CDCP2: variants seen among roughly 807,000 people sequenced by gnomAD.
CDCP2 encodes the protein CUB domain-containing protein 2.
Under a neutral mutation model 31.0 loss-of-function variants are expected in CDCP2, and 31 were observed. That is an observed-to-expected ratio of 1.00 (90% CI 0.75 to 1.35). The LOEUF is 1.35. Among genes scored for constraint, CDCP2 ranks in the 40% most tolerant of loss-of-function variants. The probability of loss-of-function intolerance (pLI) is 0.00; values close to 1 mark genes in which losing one functional copy is unlikely to be tolerated. For missense variants in CDCP2, 443 were observed against 482.6 expected (o/e 0.92, Z 0.77); for synonymous variants, 206 against 207.9 (o/e 0.99, Z 0.08).
At chr1:54,144,609 G>GACA in exon 2 of CDCP2, 1 of 1,614,220 alleles carries the variant, frequency 6.2e-7, no homozygotes, top group Non-Finnish European at 8.5e-7. Flanking sequence ...CTTGTCTGGT[G>GACA]AGGCCCCATT....
At chr1:54,144,638 G>T in exon 2 of CDCP2, 1 of 1,613,402 alleles carries the variant, frequency 6.2e-7, no homozygotes, top group South Asian at 1.1e-5. Flanking sequence ...CCAGAAAGTC[G>T]AAGCTGCAGG....
chr1:54,148,971 A>G (rs1553174428), intron 1 of CDCP2, among the ~76,000 whole-genome samples: 1 of 144,036 alleles, frequency 6.9e-6, no homozygotes, highest in Non-Finnish European at 1.5e-5. Flanking sequence ...TGTTTAAAAA[A>G]AAAATATATA....
chr1:54,150,595 TAA>T (rs559491653), intron 1 of CDCP2, among the ~76,000 whole-genome samples: 3 of 145,280 alleles, frequency 2.1e-5, no homozygotes, highest in African/African-American at 5.0e-5. Context: ...AGACTCCATT[TAA>T]AAAAAAAAAA....
At chr1:54,143,720 C>T (rs1252922325) in intron 2 of CDCP2, 1 of 152,166 alleles carries the variant, frequency 6.6e-6, no homozygotes, top group Non-Finnish European at 1.5e-5. Flanking sequence ...TGGGTGTCTA[C>T]TGTTTGAGTT....
At chr1:54,148,694 A>G (rs1411115446) in intron 1 of CDCP2, among the ~76,000 whole-genome samples, 1 of 151,520 alleles carries the variant, frequency 6.6e-6, no homozygotes, top group East Asian at 1.9e-4. Context: ...CTGGGGCTTC[A>G]ACAACAAAAG....
chr1:54,138,814 C>T (rs928861165), intron 4 of CDCP2: 1 of 152,372 alleles, frequency 6.6e-6, no homozygotes, highest in African/African-American at 2.4e-5. Flanking sequence ...ACAATGAAGT[C>T]TTTTCCCTCT....
At chr1:54,147,064 A>G (rs1478569575) in intron 1 of CDCP2, among the ~76,000 whole-genome samples, 1 of 121,184 alleles carries the variant, frequency 8.3e-6, no homozygotes, top group Admixed American at 9.2e-5. Flanking sequence ...TGACAGAGCA[A>G]GACTCCATCT....
intron 1 of CDCP2, among the ~76,000 whole-genome samples, chr1:54,149,077 G>T (rs940015612): frequency 6.7e-6 from 1 of 149,398 alleles, no homozygotes; most frequent in Non-Finnish European, 1.5e-5. Context: ...CATAAATTAA[G>T]GAATGAAGCC....
chr1:54,145,822 C>T (rs1659458331), intron 1 of CDCP2, among the ~76,000 whole-genome samples: 1 of 152,180 alleles, frequency 6.6e-6, no homozygotes, highest in African/African-American at 2.4e-5. Flanking sequence ...TCATAATTTT[C>T]ACTGTGTAAG....
exon 6 of CDCP2, chr1:54,133,153 A>C (rs1019993166): frequency 7.5e-6 from 3 of 399,054 alleles, no homozygotes; most frequent in Non-Finnish European, 1.3e-5. Flanking sequence ...GGCCCCAGCC[A>C]GTGAGAGCCA....
At chr1:54,140,964 G>A (rs940469449) in intron 3 of CDCP2, 134 bp downstream of exon 3, 3 of 694,478 alleles carry the variant, frequency 4.3e-6, no homozygotes, top group East Asian at 5.7e-5. Context: ...GTATGCTAGA[G>A]CATTCCAGGC....
At chr1:54,134,152 G>A (rs1164829792) in intron 5 of CDCP2, among the ~76,000 whole-genome samples, 1 of 152,214 alleles carries the variant, frequency 6.6e-6, no homozygotes. Flanking sequence ...GACTACTGAG[G>A]CCTGGAAGGG....
chr1:54,136,051 G>C (rs2100418717), intron 5 of CDCP2, among the ~76,000 whole-genome samples: 1 of 152,298 alleles, frequency 6.6e-6, no homozygotes, highest in Middle Eastern at 3.4e-3. Flanking sequence ...AAAATACAAG[G>C]ATAGTAGGGA....
At chr1:54,139,844 T>A in exon 4 of CDCP2, 1 of 1,610,842 alleles carries the variant, frequency 6.2e-7, no homozygotes. Context: ...AGGTCACGGG[T>A]GGTGGCAGGT....
intron 1 of CDCP2, among the ~76,000 whole-genome samples, chr1:54,151,801 G>C (rs1220894739): frequency 6.6e-6 from 1 of 152,216 alleles, no homozygotes; most frequent in Non-Finnish European, 1.5e-5. Context: ...CCACAGTGCA[G>C]GCAGAGGGTT....
chr1:54,134,664 C>T (rs1360241960), intron 5 of CDCP2, among the ~76,000 whole-genome samples: 1 of 152,182 alleles, frequency 6.6e-6, no homozygotes, highest in Non-Finnish European at 1.5e-5. Context: ...GACTGGGTGA[C>T]CCTTTTGGGG....
At chr1:54,135,040 C>T (rs1659236528) in intron 5 of CDCP2, among the ~76,000 whole-genome samples, 2 of 152,188 alleles carry the variant, frequency 1.3e-5, no homozygotes, top group Admixed American at 1.3e-4. Context: ...GGAGCTCCTG[C>T]TCCCATCTGA....
At chr1:54,132,959 G>T, downstream of CDCP2, 1 of 398,842 alleles carries the variant, frequency 2.5e-6, no homozygotes, top group Admixed American at 4.4e-5. Context: ...AGGTCCCTAT[G>T]CTGTCTATTC....
At chr1:54,143,023 G>A (rs1467813725) in intron 2 of CDCP2, 1 of 152,144 alleles carries the variant, frequency 6.6e-6, no homozygotes, top group Non-Finnish European at 1.5e-5. Context: ...TTTAATGACT[G>A]GCTTATAAGA....
Sources: allele counts gnomAD v4.1 joint callset (sites outside exome capture counted in the v4.1 genomes callset), GRCh38; gene constraint gnomAD v4.1.1; transcripts MANE v1.5; gene names NCBI Gene and HGNC (gene_info 2026-07-23, HGNC 2026-07-21).